DNAH17: variants seen among roughly 807,000 people sequenced by gnomAD.
The protein encoded by DNAH17 is dynein axonemal heavy chain 17.
Under a neutral mutation model 485.6 loss-of-function variants are expected in DNAH17, and 376 were observed. The ratio of observed to expected loss-of-function variants is 0.77; its 90% CI spans 0.71 to 0.84. The LOEUF (loss-of-function observed/expected upper bound fraction) is 0.84. Among genes scored for constraint, DNAH17 ranks in the 40% least tolerant of loss-of-function variants. The pLI is 0.00. For synonymous variants in DNAH17, 3,031 were observed against 2,405.9 expected, an observed-to-expected ratio of 1.26 and a Z score of -7.60; for missense variants, 6,370 against 5,839.3, an observed-to-expected ratio of 1.09 and a Z score of -2.96.
chr17:78,503,822 C>T (rs532359444), intron 31 of DNAH17, among the ~76,000 whole-genome samples: 5 of 151,838 alleles, frequency 3.3e-5, no homozygotes, highest in Admixed American at 1.3e-4. Flanking sequence ...AAAAATTAGC[C>T]GGGCACGGTG....
In DNAH17 at chr17:78,475,475, G is replaced by T; in HGVS notation, c.8320-6C>A. 6.2e-7 allele frequency: 1 copy of T among 1,613,618 alleles called. No individual in the cohort carries two copies. Among genetic ancestry groups the T allele is most frequent in the Non-Finnish European group, 8.5e-7 (1 of 1,179,866 alleles). On this transcript the variant is annotated splice_region_variant and splice_polypyrimidine_tract_variant and intron_variant, in intron 53 of 80. Transcript: ENST00000389840. ...ACGGCGTCCTCAAACAGCACCTGCA[G>T]AAACCGGAGAGATCCCACAACATCT...
intron 54 of DNAH17, among the ~76,000 whole-genome samples, chr17:78,469,219 G>A (rs1024599797): frequency 2.0e-5 from 3 of 152,112 alleles, no homozygotes; most frequent in African/African-American, 7.2e-5. Context: ...TCGGCTCACT[G>A]CAAGCTCCAC....
At chr17:78,427,559 T>G (rs1053909178) in intron 77 of DNAH17, among the ~76,000 whole-genome samples, 7 of 152,162 alleles carry the variant, frequency 4.6e-5, no homozygotes, top group African/African-American at 1.4e-4. Context: ...CTGATTTCAG[T>G]CATTAGACTA....
At position 78,472,693 on chromosome 17, in the gene DNAH17, G is replaced by T. The variant is rs542181008; in HGVS notation, c.8511+2585C>A. On this transcript the variant is annotated intron_variant, in intron 54 of 80. Coordinates refer to ENST00000389840, the MANE Select transcript of DNAH17 (RefSeq NM_173628.4). ...GTTTCGGATCCTGGACCCCAGCCGA[G>T]TCCCCGAGGTCACGCACGCTGTCTC... 1.9e-4 allele frequency: 87 copies of T among 453,000 alleles called. 1 individual carries two copies. The highest frequency in any genetic ancestry group is 1.3e-3 in the South Asian group (86 of 63,976). 28.1% of individuals were successfully genotyped at this position (453,000 alleles called of 1,614,324 possible). A position where few individuals can be genotyped will look rare whatever the true frequency, so the allele number is the denominator to read the frequency against.
At chr17:78,480,013 CTTTT>C (rs370344478) in intron 49 of DNAH17, among the ~76,000 whole-genome samples, 6 of 70,516 alleles carry the variant, frequency 8.5e-5, no homozygotes, top group African/African-American at 2.1e-4. Flanking sequence ...ACAACAAGTA[CTTTT>C]TTTTTTTTTT....
At chr17:78,483,267 G>A (rs575039940) in intron 48 of DNAH17, among the ~76,000 whole-genome samples, 3 of 152,336 alleles carry the variant, frequency 2.0e-5, no homozygotes, top group African/African-American at 7.2e-5. Flanking sequence ...GCTTCCTATA[G>A]TCGTGAGCTC....
chr17:78,536,809 T>G (rs868378675), intron 19 of DNAH17, among the ~76,000 whole-genome samples: 9 of 152,026 alleles, frequency 5.9e-5, no homozygotes, highest in African/African-American at 2.2e-4. Context: ...GAAGCTGCTT[T>G]GGGAAGGACG....
chr17:78,431,320 G>A (rs1047965803), intron 75 of DNAH17, among the ~76,000 whole-genome samples: 4 of 152,222 alleles, frequency 2.6e-5, no homozygotes, highest in Non-Finnish European at 5.9e-5. Flanking sequence ...GGCAGCGTCT[G>A]TGTCTCCCGA....
chr17:78,517,952 A>T lies in DNAH17; in HGVS notation c.3865-2930T>A, dbSNP rs142385755. Among the ~76,000 whole-genome samples, 8 of 152,358 alleles carry T rather than the reference A, an allele frequency of 5.3e-5. 1 individual carries two copies. Among genetic ancestry groups the T allele is most frequent in the East Asian group, 1.9e-4 (1 of 5,192 alleles). ...AAATGGAAGTGAGGTTTCTACACAC[A>T]AAAGTGACAAAATGTTGATATCAGT... On this transcript the variant is annotated intron_variant, in intron 25 of 80. Coordinates refer to ENST00000389840, the MANE Select transcript of DNAH17 (RefSeq NM_173628.4).
intron 25 of DNAH17, among the ~76,000 whole-genome samples, chr17:78,516,832 CCT>C (rs1248744096): frequency 6.6e-6 from 1 of 152,122 alleles, no homozygotes; most frequent in African/African-American, 2.4e-5. Context: ...TGTTTCTCCC[CCT>C]GTGTAAGAAA....
In DNAH17 at chr17:78,537,439, C is replaced by G. The variant is rs759774790; in HGVS notation, c.2719G>C (p.Glu907Gln). The change falls in exon 19 of 81, where the codon GAG becomes CAG. Residue 907 changes from glutamate (E) to glutamine (Q), a missense_variant. By Grantham distance (29) the Glu-to-Gln change is conservative. Transcript: ENST00000389840. ...PLFEIRMELD[E>Q]DGLTFNPTLE... ...GTCGGGTTGAAGGTCAGCCCATCCTCGTCCAGCTCCATGCGGATCTCAAAC... is the reference window on the plus strand; with the variant it reads ...GTCGGGTTGAAGGTCAGCCCATCCTGGTCCAGCTCCATGCGGATCTCAAAC... 3.7e-6 allele frequency: 6 copies of G among 1,613,310 alleles called. No homozygotes were observed. The highest frequency in any genetic ancestry group is 1.3e-5 in the African/African-American group (1 of 74,912).
At chr17:78,510,284 C>T in intron 27 of DNAH17, 100 bp downstream of exon 27, 2 of 1,545,326 alleles carry the variant, frequency 1.3e-6, no homozygotes, top group South Asian at 1.2e-5. Context: ...CCCGTGAGAG[C>T]CTTGGGGCTG....
At chr17:78,546,637 G>T (rs1486455733) in intron 16 of DNAH17, among the ~76,000 whole-genome samples, 1 of 152,228 alleles carries the variant, frequency 6.6e-6, no homozygotes, top group African/African-American at 2.4e-5. Flanking sequence ...TGGGCATGGT[G>T]ATTCATGCCC....
At chr17:78,501,926 G>A (rs2090309711) in intron 33 of DNAH17, 53 bp from the exon 34 acceptor site, 2 of 1,605,966 alleles carry the variant, frequency 1.2e-6, no homozygotes, top group South Asian at 1.1e-5. Context: ...CATGCACTGG[G>A]GGGTCTTGTG....
chr17:78,521,559 GACAA>G (rs1432735878), intron 25 of DNAH17, among the ~76,000 whole-genome samples: 3 of 152,114 alleles, frequency 2.0e-5, no homozygotes, highest in South Asian at 4.1e-4. Context: ...ATGGCTCATA[GACAA>G]ACAGAAAGCA....
In DNAH17 at chr17:78,427,100, G is replaced by A. The variant is rs59163554; in HGVS notation, c.12597C>T (p.Ala4199=). ...TGVSREEKVK[A]VLDDILEKIP... is the part of the protein sequence containing the mutation. ...TCTTCTCCAGGATGTCGTCCAGCAC[G>A]GCCTTCACCTGGAAGCCAGTCCCCG... Residue 4199 remains alanine, a synonymous_variant, in exon 78 of 81, where the codon GCC becomes GCT. Coordinates refer to ENST00000389840, the MANE Select transcript of DNAH17 (RefSeq NM_173628.4). The A allele has an allele frequency of 2.2e-5, 34 of 1,572,708 alleles. No homozygotes were observed. Among genetic ancestry groups the A allele is most frequent in the African/African-American group, 5.4e-5 (4 of 73,860 alleles).
At chr17:78,425,906 C>T (rs2086435209) in intron 79 of DNAH17, among the ~76,000 whole-genome samples, 1 of 152,078 alleles carries the variant, frequency 6.6e-6, no homozygotes, top group Admixed American at 6.6e-5. Context: ...GCTGGGATTA[C>T]AGGTGCAGGC....
intron 51 of DNAH17, 87 bp downstream of exon 51, chr17:78,478,938 C>T: frequency 9.1e-7 from 1 of 1,097,016 alleles, no homozygotes; most frequent in Non-Finnish European, 1.4e-6. Context: ...CAGTCCACAC[C>T]TCCCTGAGAG....
intron 77 of DNAH17, 113 bp from the exon 78 acceptor site, chr17:78,427,221 A>T (rs1446979589): frequency 9.1e-7 from 1 of 1,101,950 alleles, no homozygotes; most frequent in East Asian, 2.6e-5. Context: ...GAGAGGAGGG[A>T]AGAGGCAAGT....
Sources: gnomAD v4.1 joint callset for allele counts (sites outside exome capture counted in the v4.1 genomes callset) on GRCh38, gnomAD v4.1.1 for gene constraint, MANE v1.5 for transcripts, NCBI Gene and HGNC (gene_info 2026-07-23, HGNC 2026-07-21) for gene names.